The following NTNG1 variants were observed in gnomAD, a reference collection of about 807,000 sequenced individuals.
NTNG1 encodes netrin-G1.
A neutral mutation model predicts 54.0 loss-of-function variants in NTNG1; 16 were observed. The ratio of observed to expected loss-of-function variants is 0.30; its 90% confidence interval spans 0.20 to 0.45. The LOEUF (loss-of-function observed/expected upper bound fraction) is 0.45, where lower values mean the gene tolerates loss of function less well. Ranked by LOEUF, NTNG1 falls within the 20% of genes least tolerant of loss-of-function variation. The pLI is 1.00. For missense variants in NTNG1, 530 were observed against 678.7 expected, an observed-to-expected ratio of 0.78 and a Z score of 2.43; for synonymous variants, 255 against 263.1, an observed-to-expected ratio of 0.97 and a Z score of 0.30.
intron 2 of NTNG1, among the ~76,000 whole-genome samples, chr1:107,199,291 A>G (rs1235429630): frequency 1.4e-5 from 2 of 144,562 alleles, no homozygotes; most frequent in African/African-American, 5.1e-5. Context: ...TTTTTTTTCT[A>G]TTCCTAATTC....
chr1:107,334,553 G>T (rs539123448), intron 3 of NTNG1, among the ~76,000 whole-genome samples: 3 of 151,676 alleles, frequency 2.0e-5, no homozygotes, highest in African/African-American at 7.3e-5. Context: ...TATTGGATTT[G>T]TATAGACAGG....
intron 3 of NTNG1, among the ~76,000 whole-genome samples, chr1:107,394,239 GT>G: frequency 6.6e-6 from 1 of 152,150 alleles, no homozygotes; most frequent in Non-Finnish European, 1.5e-5. Flanking sequence ...GTGTGATACA[GT>G]TTATATCCTG....
chr1:107,247,574 A>G (rs1330508994), intron 2 of NTNG1, among the ~76,000 whole-genome samples: 2 of 152,144 alleles, frequency 1.3e-5, no homozygotes, highest in Non-Finnish European at 2.9e-5. Context: ...TTGCCTTAAT[A>G]CTGTGAGTTT....
At chr1:107,217,285 G>GAACCAATACC (rs1660033996) in intron 2 of NTNG1, among the ~76,000 whole-genome samples, 1 of 152,060 alleles carries the variant, frequency 6.6e-6, no homozygotes, top group South Asian at 2.1e-4. Flanking sequence ...GGTATTGGTT[G>GAACCAATACC]TAATATCTTC....
chr1:107,170,298 G>A (rs1157358834), intron 2 of NTNG1, among the ~76,000 whole-genome samples: 2 of 152,102 alleles, frequency 1.3e-5, no homozygotes, highest in East Asian at 3.9e-4. Flanking sequence ...TGAGCCTAAG[G>A]AAGATAAATA....
chr1:107,148,497 A>G lies in NTNG1; in HGVS notation c.-97A>G. 3.4e-6 allele frequency: 4 copies of G among 1,180,250 alleles called. No homozygotes were observed. Among genetic ancestry groups the G allele is most frequent in the Non-Finnish European group, 4.9e-6 (4 of 819,330 alleles). 73.1% of individuals were successfully genotyped at this position (1,180,250 alleles called of 1,614,324 possible). A position where few individuals can be genotyped will look rare whatever the true frequency, so the allele number is the denominator to read the frequency against. ...CAGAGACCTACCTACCCGTACGCAT[A>G]CATACATATGTGTATATATATGTAA... On this transcript the variant is annotated 5_prime_UTR_variant, in exon 2 of 8. The change creates a new upstream start codon in the 5' untranslated region. Transcript: ENST00000370068.
intron 2 of NTNG1, among the ~76,000 whole-genome samples, chr1:107,150,806 C>T (rs566894169): frequency 6.6e-6 from 1 of 152,322 alleles, no homozygotes; most frequent in East Asian, 1.9e-4. Context: ...TACGGATCTT[C>T]CCATGCCTGC....
intron 2 of NTNG1, among the ~76,000 whole-genome samples, chr1:107,170,717 G>A (rs1459253260): frequency 6.6e-6 from 1 of 151,028 alleles, no homozygotes; most frequent in Non-Finnish European, 1.5e-5. Context: ...TCTTGAGGGG[G>A]AAAAAAAAGA....
chr1:107,400,700 G>A (rs559082240), intron 4 of NTNG1, among the ~76,000 whole-genome samples: 16 of 151,360 alleles, frequency 1.1e-4, no homozygotes, highest in African/African-American at 3.6e-4. Context: ...CCAGGCTGGA[G>A]TGCAATGGCA....
intron 2 of NTNG1, among the ~76,000 whole-genome samples, chr1:107,259,239 T>G (rs912217189): frequency 6.6e-6 from 1 of 152,198 alleles, no homozygotes; most frequent in Admixed American, 6.5e-5. Context: ...TCCAAAGCAG[T>G]TTGTAATGTA....
intron 2 of NTNG1, among the ~76,000 whole-genome samples, chr1:107,305,053 A>G (rs1269762710): frequency 6.6e-6 from 1 of 152,178 alleles, no homozygotes; most frequent in Non-Finnish European, 1.5e-5. Context: ...ATGTCCCTGC[A>G]AAAGACATGA....
chr1:107,250,932 T>C (rs772258475), intron 2 of NTNG1, among the ~76,000 whole-genome samples: 5 of 152,258 alleles, frequency 3.3e-5, no homozygotes, highest in Admixed American at 2.6e-4. Flanking sequence ...TTTGTTTAAA[T>C]ACAACATCTA....
intron 3 of NTNG1, among the ~76,000 whole-genome samples, chr1:107,381,915 A>G (rs961883371): frequency 6.6e-6 from 1 of 152,140 alleles, no homozygotes; most frequent in Non-Finnish European, 1.5e-5. Flanking sequence ...ACCTTCTATC[A>G]GGTTGGCAGT....
intron 2 of NTNG1, among the ~76,000 whole-genome samples, chr1:107,152,877 T>C (rs1390795090): frequency 1.3e-5 from 2 of 152,222 alleles, no homozygotes; most frequent in African/African-American, 2.4e-5. Flanking sequence ...AACCTCATTA[T>C]GTTTACTGAA....
At chr1:107,165,689 G>A (rs957796891) in intron 2 of NTNG1, among the ~76,000 whole-genome samples, 1 of 152,112 alleles carries the variant, frequency 6.6e-6, no homozygotes, top group African/African-American at 2.4e-5. Flanking sequence ...CTTCTACCCT[G>A]TCTGCTTTCC....
intron 2 of NTNG1, among the ~76,000 whole-genome samples, chr1:107,234,806 T>A (rs1661301861): frequency 6.6e-6 from 1 of 152,204 alleles, no homozygotes; most frequent in African/African-American, 2.4e-5. Context: ...TGTGGGGATG[T>A]GCTGCTATTG....
chr1:107,164,694 GTTGTCAAATGCTAGAT>G (rs1443287517), intron 2 of NTNG1, among the ~76,000 whole-genome samples: 4 of 152,184 alleles, frequency 2.6e-5, no homozygotes, highest in Admixed American at 2.0e-4. Flanking sequence ...AAATATGAAC[GTTGTCAAATGCTAGAT>G]TTGTGCAGTA....
At chr1:107,149,670 G>A (rs1474016685) in intron 2 of NTNG1, among the ~76,000 whole-genome samples, 1 of 151,846 alleles carries the variant, frequency 6.6e-6, no homozygotes, top group African/African-American at 2.4e-5. Context: ...AGAAAGACAT[G>A]GCTGACAATA....
In NTNG1 at chr1:107,188,846, A is replaced by G. The variant is rs534128531; in HGVS notation, c.246+40007A>G. Among the ~76,000 whole-genome samples the G allele has an allele frequency of 1.8e-4, 28 of 152,222 alleles. No individual in the cohort carries two copies. The South Asian group carries it at 5.4e-3, about 29-fold the overall frequency. The stretch of plus-strand genomic sequence containing the variant: ...AGCCAAAGAGTTCCCTATTGATTAC[A>G]AATGTAGGGATCAAGAGTAAGTTAT... On this transcript the variant is annotated intron_variant, in intron 2 of 7. Coordinates refer to ENST00000370068, the MANE Select transcript of NTNG1 (RefSeq NM_001113226.3).
Sources: gnomAD v4.1 joint callset for allele counts (sites outside exome capture counted in the v4.1 genomes callset) on GRCh38, gnomAD v4.1.1 for gene constraint, MANE v1.5 for transcripts, NCBI Gene and HGNC (gene_info 2026-07-23, HGNC 2026-07-21) for gene names.